Variants in SCRT1 observed in about 807,000 individuals in gnomAD.
The protein encoded by SCRT1 is transcriptional repressor scratch 1.
Under a neutral mutation model 3.4 loss-of-function variants are expected in SCRT1, and 1 was observed. That is an observed-to-expected ratio of 0.29 (90% CI 0.10 to 1.39). The LOEUF is 1.39. Among genes scored for constraint, SCRT1 ranks in the 40% most tolerant of loss-of-function variants. The pLI is 0.42. For missense variants in SCRT1, 380 were observed against 526.3 expected (o/e 0.72, Z 2.72); for synonymous variants, 238 against 247.0 (o/e 0.96, Z 0.34).
At chr8:144,334,183 G>T (rs370757940) in intron 1 of SCRT1, 67 bp from the exon 2 acceptor site, 2 of 900,754 alleles carry the variant, frequency 2.2e-6, no homozygotes, top group South Asian at 3.1e-5. Flanking sequence ...ACGGGGGATG[G>T]GGGGGCGGGA....
chr8:144,334,940 G>A (rs999716808), intron 1 of SCRT1, among the ~76,000 whole-genome samples: 3 of 152,156 alleles, frequency 2.0e-5, no homozygotes, highest in African/African-American at 7.2e-5. Context: ...GGGCCAGGGC[G>A]TCCACTTTCA....
chr8:144,333,223 C>A lies in SCRT1; in HGVS notation c.1009G>T (p.Ala337Ser). ...GGGCTGAGCTGTGGCGGCGCAGGAG[C>A]CGCGGGGCCTCCGGCGCCGCCCTTG... is the stretch of plus-strand genomic sequence containing the variant. ...CFKGGAGGPA[A>S]PAPPQLSPVQ... Residue 337 changes from alanine (A) to serine (S), a missense_variant, in exon 2 of 2, where the codon GCT becomes TCT. Ala to Ser is a moderately conservative substitution (Grantham distance 99). Coordinates refer to ENST00000569446, the MANE Select transcript of SCRT1 (RefSeq NM_031309.6). 1 of 1,589,640 alleles carries A rather than the reference C, an allele frequency of 6.3e-7. No individual in the cohort carries two copies. The highest frequency in any genetic ancestry group is 8.5e-7 in the Non-Finnish European group (1 of 1,170,430).
In SCRT1 at chr8:144,333,371, G is replaced by A. The variant is rs781852781; in HGVS notation, c.861C>T (p.Asp287=). The A allele has an allele frequency of 6.2e-7, 1 of 1,610,810 alleles. No homozygotes were observed. Among genetic ancestry groups the A allele is most frequent in the South Asian group, 1.1e-5 (1 of 90,718 alleles). Residue 287 remains aspartate (D), a synonymous_variant, in exon 2 of 2, where the codon GAC becomes GAT. Coordinates refer to ENST00000569446, the MANE Select transcript of SCRT1 (RefSeq NM_031309.6). ...GCATGTGCGCGCGCAGGTTGGAGCG[G>A]TCGGCGAAGGCCTTGCCGCAGTGCG... The part of the protein sequence containing the change: ...GCAHCGKAFA[D]RSNLRAHMQT...
At position 144,335,947 on chromosome 8, in the gene SCRT1, C is replaced by T; in HGVS notation, c.115+108G>A. The T allele has an allele frequency of 2.8e-6, 2 of 725,340 alleles. No individual in the cohort carries two copies. Among genetic ancestry groups the T allele is most frequent in the Non-Finnish European group, 4.4e-6 (2 of 459,760 alleles). 44.9% of individuals were successfully genotyped at this position (725,340 alleles called of 1,614,324 possible). A position where few individuals can be genotyped will look rare whatever the true frequency, so the allele number is the denominator to read the frequency against. On this transcript the variant is annotated intron_variant, in intron 1 of 1. Coordinates refer to ENST00000569446, the MANE Select transcript of SCRT1 (RefSeq NM_031309.6). This position sits in a 1 kb window ranked among gnomAD's most constrained non-coding sequence, Gnocchi z 7.7. The stretch of plus-strand genomic sequence containing the variant: ...CCACAGACTCTTGCCGTTTCTGGTT[C>T]CCTTCAGTCTGTTTCCCCGGGCCCT...
chr8:144,332,949 G>C lies in SCRT1; in HGVS notation c.*236C>G. The C allele has an allele frequency of 2.1e-6, 1 of 481,412 alleles. No individual in the cohort carries two copies. The allele number at this position is 481,412 out of a possible 1,614,324, so 29.8% of individuals were successfully genotyped here. A position where few individuals can be genotyped will look rare whatever the true frequency, so the allele number is the denominator to read the frequency against. Reference sequence around the variant, plus strand: ...TCGACCCTATTGCTGGGAGAAAGCCGGGGGCACCCTGGAGGGGAGGGGAGG... The same window carrying C: ...TCGACCCTATTGCTGGGAGAAAGCCCGGGGCACCCTGGAGGGGAGGGGAGG... On this transcript the variant is annotated 3_prime_UTR_variant, in exon 2 of 2. Transcript: ENST00000569446.
Position 144,333,795 on chromosome 8 carries a change from T to C in SCRT1, c.437A>G (p.Asp146Gly). Residue 146 changes from aspartate to glycine, a missense_variant, in exon 2 of 2, where the codon GAC (aspartate) becomes GGC (glycine). Physicochemically the swap from Asp to Gly is moderately conservative, Grantham distance 94 (BLOSUM62 -1). Transcript: ENST00000569446. ...APSTASAAAP[D>G]GDAGGGGGAG... is the part of the protein sequence containing the mutation. The stretch of plus-strand genomic sequence containing the variant: ...CCCGCCCCCGCCTCCGGCGTCGCCG[T>C]CGGGGGCCGCCGCCGAGGCTGTGGA... 1 of 1,209,990 alleles carries C rather than the reference T, an allele frequency of 8.3e-7. No homozygotes were observed. The highest frequency in any genetic ancestry group is 1.0e-6 in the Non-Finnish European group (1 of 974,724). 75.0% of individuals were successfully genotyped at this position (1,209,990 alleles called of 1,614,324 possible).
rs2130564603 is a variant in SCRT1, at chr8:144,331,465, G to A, written c.*1720C>T. 1 of 152,580 alleles carries A rather than the reference G, an allele frequency of 6.6e-6. No individual in the cohort carries two copies. Among genetic ancestry groups the A allele is most frequent in the South Asian group, 2.1e-4 (1 of 4,834 alleles). 9.5% of individuals were successfully genotyped at this position (152,580 alleles called of 1,614,324 possible). On this transcript the variant is annotated 3_prime_UTR_variant, in exon 2 of 2. Coordinates refer to ENST00000569446, the MANE Select transcript of SCRT1 (RefSeq NM_031309.6). ...GGGGGCATGTGAACCTAGGGACCTG[G>A]TCTCTCTGCATCTGCCGTTCTTCCC...
In SCRT1 at chr8:144,333,285, T is replaced by C. The variant is rs781987277; in HGVS notation, c.947A>G (p.Lys316Arg). Residue 316 changes from lysine (K) to arginine (R), a missense_variant, in exon 2 of 2, where the codon AAG becomes AGG. By Grantham distance (26) the Lys-to-Arg change is conservative. Around this residue, in one of 5 missense-constraint regions of SCRT1, gnomAD observed 67 missense variants for 64.7 expected, o/e 1.04. Coordinates refer to ENST00000569446, the MANE Select transcript of SCRT1 (RefSeq NM_031309.6). ...CTCGTAGTGCTTGTTGAGATAGGAC[T>C]TGAGCGCGAAGCTCTTCTTGCAGCG... ...CKRCKKSFALKSYLNKHYESA... is the reference protein window; with the variant it reads ...CKRCKKSFALRSYLNKHYESA... The C allele has an allele frequency of 1.9e-6, 3 of 1,612,498 alleles. No homozygotes were observed. The African/African-American group carries it at 4.0e-5, about 22-fold the overall frequency.
Position 144,331,640 on chromosome 8 carries a change from G to A in SCRT1, c.*1545C>T, listed in dbSNP as rs1177372285. 1.3e-5 allele frequency: 2 copies of A among 151,982 alleles called. No individual in the cohort carries two copies. Among genetic ancestry groups the A allele is most frequent in the East Asian group, 1.9e-4 (1 of 5,156 alleles). 9.4% of individuals were successfully genotyped at this position (151,982 alleles called of 1,614,324 possible). ...ATTAATGCCTGAAGGAGGGGTCTTG[G>A]GGGCAACCACCCCACCCCCGCCCAT... On this transcript the variant is annotated 3_prime_UTR_variant, in exon 2 of 2. Transcript: ENST00000569446.
rs1350991385 is a variant in SCRT1, at chr8:144,334,041, G to A, written c.191C>T (p.Ser64Leu). Residue 64 changes from serine (S) to leucine (L), a missense_variant, in exon 2 of 2, where the codon TCG becomes TTG. This residue lies in a region of SCRT1 where 125 missense variants were observed against 132.7 expected (regional missense o/e 0.94). Coordinates refer to ENST00000569446, the MANE Select transcript of SCRT1 (RefSeq NM_031309.6). ...DAEAALLKGPSPEPMYAAAVR... is the reference protein window; with the variant it reads ...DAEAALLKGPLPEPMYAAAVR... ...AGCTGCTGCGTACATGGGCTCCGGCGACGGCCCTTTGAGCAGCGCAGCCTC... is the reference window on the plus strand; with the variant it reads ...AGCTGCTGCGTACATGGGCTCCGGCAACGGCCCTTTGAGCAGCGCAGCCTC... The A allele has an allele frequency of 1.3e-6, 2 of 1,527,380 alleles. No homozygotes were observed. Among genetic ancestry groups the A allele is most frequent in the Non-Finnish European group, 1.8e-6 (2 of 1,141,014 alleles). 94.6% of individuals were successfully genotyped at this position (1,527,380 alleles called of 1,614,324 possible). A position where few individuals can be genotyped will look rare whatever the true frequency, so the allele number is the denominator to read the frequency against.
At position 144,334,069 on chromosome 8, in the gene SCRT1, C is replaced by T; in HGVS notation, c.163G>A (p.Ala55Thr). The change falls in exon 2 of 2, where the codon GCC (alanine) becomes ACC (threonine). Residue 55 changes from alanine (A) to threonine (T), a missense_variant. Coordinates refer to ENST00000569446, the MANE Select transcript of SCRT1 (RefSeq NM_031309.6). Reference protein sequence around the residue: ...VGPSSVYDGDAEAALLKGPSP... With the variant: ...VGPSSVYDGDTEAALLKGPSP... ...GGCCCTTTGAGCAGCGCAGCCTCGG[C>T]GTCGCCATCGTAGACGGACGAGGGC... is the stretch of plus-strand genomic sequence containing the variant. 1 of 1,537,222 alleles carries T rather than the reference C, an allele frequency of 6.5e-7. No homozygotes were observed. The highest frequency in any genetic ancestry group is 8.7e-7 in the Non-Finnish European group (1 of 1,144,680).
Position 144,333,148 on chromosome 8 carries a change from G to C in SCRT1, c.*37C>G. ...GAAGACTTCCCTGGGGGGCCGTATT[G>C]CTGAGAGCCGACCTGGCTGGGGGAG... On this transcript the variant is annotated 3_prime_UTR_variant, in exon 2 of 2. Transcript: ENST00000569446. The C allele has an allele frequency of 2.8e-6, 4 of 1,448,864 alleles. No homozygotes were observed. The highest frequency in any genetic ancestry group is 2.7e-6 in the Non-Finnish European group (3 of 1,102,996). The allele number at this position is 1,448,864 out of a possible 1,614,324, so 89.8% of individuals were successfully genotyped here.
At chr8:144,334,891 C>G (rs1394538774) in intron 1 of SCRT1, among the ~76,000 whole-genome samples, 1 of 152,158 alleles carries the variant, frequency 6.6e-6, no homozygotes, top group Admixed American at 6.5e-5. Flanking sequence ...CACCCTAACC[C>G]CTTTCAGGGC....
At chr8:144,334,762 C>A (rs1047802992) in intron 1 of SCRT1, among the ~76,000 whole-genome samples, 2 of 152,210 alleles carry the variant, frequency 1.3e-5, no homozygotes, top group South Asian at 2.1e-4. Flanking sequence ...CTCCGGCCAC[C>A]CACTGGACTT....
Position 144,336,410 on chromosome 8 carries a change from CT to C in SCRT1, c.-242del. ...CCTTCCTTCCTTCCTTCAATCCTTC[CT>C]TCCTTCTCTCCTCTTCTCTCCTCTC... is the stretch of plus-strand genomic sequence containing the variant. On this transcript the variant is annotated 5_prime_UTR_variant, in exon 1 of 2. Coordinates refer to ENST00000569446, the MANE Select transcript of SCRT1 (RefSeq NM_031309.6). The surrounding 1 kb of genome is among the most constrained non-coding windows in gnomAD (Gnocchi z 6.8). 2.3e-6 allele frequency: 1 copy of C among 436,466 alleles called. No homozygotes were observed. Among genetic ancestry groups the C allele is most frequent in the Non-Finnish European group, 4.1e-6 (1 of 241,616 alleles). The allele number at this position is 436,466 out of a possible 1,614,324, so 27.0% of individuals were successfully genotyped here.
Position 144,336,114 on chromosome 8 carries a change from T to C in SCRT1, c.56A>G (p.Asp19Gly). 1 of 1,610,704 alleles carries C rather than the reference T, an allele frequency of 6.2e-7. No individual in the cohort carries two copies. Among genetic ancestry groups the C allele is most frequent in the Non-Finnish European group, 8.5e-7 (1 of 1,178,880 alleles). The change falls in exon 1 of 2, where the codon GAC becomes GGC. Residue 19 changes from aspartate to glycine, a missense_variant. Physicochemically the swap from Asp to Gly is moderately conservative, Grantham distance 94. Around this residue, in one of 5 missense-constraint regions of SCRT1, gnomAD observed 125 missense variants for 132.7 expected, o/e 0.94. Transcript: ENST00000569446. The surrounding 1 kb of genome is among the most constrained non-coding windows in gnomAD (Gnocchi z 6.8). Reference protein sequence around the residue: ...KVKLDAFSSADLESAYGRARS... With the variant: ...KVKLDAFSSAGLESAYGRARS... ...GGCGCGTCCGTAGGCGCTCTCCAGG[T>C]CGGCCGAAGAGAACGCGTCAAGTTT...
In SCRT1 at chr8:144,333,832, C is replaced by T. The variant is rs1554849974; in HGVS notation, c.400G>A (p.Ala134Thr). ...GCCGAGGCTGTGGAGGGAGCGGCGG[C>T]AGCGCCGGCATTGGAAGCCTTACGC... ...SRRKASNAGA[A>T]AAPSTASAAA... The change falls in exon 2 of 2, where the codon GCC (alanine) becomes ACC (threonine). Residue 134 changes from alanine (A) to threonine (T), a missense_variant. Coordinates refer to ENST00000569446, the MANE Select transcript of SCRT1 (RefSeq NM_031309.6). The T allele has an allele frequency of 8.1e-7, 1 of 1,231,426 alleles. No homozygotes were observed. The highest frequency in any genetic ancestry group is 1.0e-6 in the Non-Finnish European group (1 of 987,510). The allele number at this position is 1,231,426 out of a possible 1,614,324, so 76.3% of individuals were successfully genotyped here. A position where few individuals can be genotyped will look rare whatever the true frequency, so the allele number is the denominator to read the frequency against.
rs1377112336 is a variant in SCRT1, at chr8:144,332,944, A to C, written c.*241T>G. The C allele has an allele frequency of 6.3e-6, 3 of 478,554 alleles. No homozygotes were observed. The highest frequency in any genetic ancestry group is 7.3e-6 in the Non-Finnish European group (2 of 273,184). 29.6% of individuals were successfully genotyped at this position (478,554 alleles called of 1,614,324 possible). ...TCTCGTCGACCCTATTGCTGGGAGA[A>C]AGCCGGGGGCACCCTGGAGGGGAGG... On this transcript the variant is annotated 3_prime_UTR_variant, in exon 2 of 2. Coordinates refer to ENST00000569446, the MANE Select transcript of SCRT1 (RefSeq NM_031309.6).
In SCRT1 at chr8:144,333,680, G is replaced by A. The variant is rs1817835708; in HGVS notation, c.552C>T (p.Ala184=). The A allele has an allele frequency of 6.9e-7, 1 of 1,446,674 alleles. No homozygotes were observed. The allele number at this position is 1,446,674 out of a possible 1,614,324, so 89.6% of individuals were successfully genotyped here. The part of the protein sequence containing the change: ...AGTEARAGPG[A]AGAGGRHACG... ...ACGCGTGCCGGCCGCCAGCACCTGCGGCCCCTGGCCCCGCGCGCGCCTCGG... is the reference window on the plus strand; with the variant it reads ...ACGCGTGCCGGCCGCCAGCACCTGCAGCCCCTGGCCCCGCGCGCGCCTCGG... Residue 184 remains alanine (A), a synonymous_variant, in exon 2 of 2, where the codon GCC becomes GCT. Coordinates refer to ENST00000569446, the MANE Select transcript of SCRT1 (RefSeq NM_031309.6).
Sources: gnomAD v4.1 joint callset for allele counts (sites outside exome capture counted in the v4.1 genomes callset) on GRCh38, gnomAD v4.1.1 for gene constraint, gnomAD v4.1.1 regional missense constraint, Gnocchi (gnomAD v3.1) non-coding constraint, MANE v1.5 for transcripts, NCBI Gene and HGNC (gene_info 2026-07-23, HGNC 2026-07-21) for gene names.